Variants in SEMA6A observed in about 807,000 individuals in gnomAD.
SEMA6A encodes the protein semaphorin-6A.
SEMA6A carries 25 observed loss-of-function variants against 96.8 expected under a neutral mutation model. That is an observed-to-expected ratio of 0.26 (90% CI 0.19 to 0.36). The LOEUF (loss-of-function observed/expected upper bound fraction) is 0.36. Ranked by LOEUF, SEMA6A falls within the 10% of genes least tolerant of loss-of-function variation. The pLI is 1.00. For missense variants in SEMA6A, 1,363 were observed against 1,323.1 expected (o/e 1.03, Z -0.47); for synonymous variants, 612 against 518.0 (o/e 1.18, Z -2.46).
intron 2 of SEMA6A, among the ~76,000 whole-genome samples, chr5:116,502,945 C>T (rs1484118960): frequency 6.6e-6 from 1 of 152,216 alleles, no homozygotes; most frequent in Non-Finnish European, 1.5e-5. Flanking sequence ...GAGATGTGGG[C>T]TTTGACAGGA....
chr5:116,505,681 G>A (rs571269665), intron 1 of SEMA6A, among the ~76,000 whole-genome samples: 4 of 152,104 alleles, frequency 2.6e-5, no homozygotes, highest in African/African-American at 7.2e-5. Flanking sequence ...ATTCTGAAAC[G>A]GTATTGTTGA....
chr5:116,513,395 A>G (rs1758511187), intron 1 of SEMA6A, among the ~76,000 whole-genome samples: 1 of 152,148 alleles, frequency 6.6e-6, no homozygotes, highest in African/African-American at 2.4e-5. Context: ...CCAAAGTGCT[A>G]GGAGTACAGG....
In SEMA6A at chr5:116,533,502, A is replaced by G. The variant is rs149974585; in HGVS notation, c.-38-28520T>C. On this transcript the variant is annotated intron_variant, in intron 1 of 18. Transcript: ENST00000343348. ...TGATTTCCTGGTTAAACTAAAAGTT[A>G]TTTAGAAAGCCCTTTTTATTGAAAA... Among the ~76,000 whole-genome samples the G allele has an allele frequency of 4.6e-3, 706 of 152,300 alleles. 5 individuals are homozygous for G. The highest frequency in any genetic ancestry group is 0.016 in the African/African-American group (665 of 41,570).
At chr5:116,463,269 T>C (rs1448005178) in intron 18 of SEMA6A, among the ~76,000 whole-genome samples, 2 of 152,176 alleles carry the variant, frequency 1.3e-5, no homozygotes, top group Admixed American at 6.5e-5. Flanking sequence ...CATGACTCAA[T>C]ACTCTTGAAG....
At chr5:116,552,194 C>A (rs1760444079) in intron 1 of SEMA6A, among the ~76,000 whole-genome samples, 4 of 152,166 alleles carry the variant, frequency 2.6e-5, no homozygotes, top group Non-Finnish European at 4.4e-5. Context: ...CTATTTACGG[C>A]CTAACGCTTC....
intron 1 of SEMA6A, among the ~76,000 whole-genome samples, chr5:116,532,844 T>A (rs552998749): frequency 6.6e-6 from 1 of 152,360 alleles, no homozygotes; most frequent in Non-Finnish European, 1.5e-5. Context: ...CTGGATGTGG[T>A]TGCTCTGAAA....
At chr5:116,543,110 C>G (rs1003585131) in intron 1 of SEMA6A, among the ~76,000 whole-genome samples, 1 of 152,148 alleles carries the variant, frequency 6.6e-6, no homozygotes, top group African/African-American at 2.4e-5. Flanking sequence ...TTTTATCTTT[C>G]AACTACTATG....
chr5:116,473,270 C>T (rs1245160319), intron 16 of SEMA6A, among the ~76,000 whole-genome samples, 177 bp from the exon 17 acceptor site: 2 of 152,226 alleles, frequency 1.3e-5, no homozygotes, highest in African/African-American at 4.8e-5. Context: ...TCCGATTTCT[C>T]ACCTCCATAT....
At chr5:116,480,519 T>C (rs555816191) in intron 11 of SEMA6A, among the ~76,000 whole-genome samples, 1 of 152,278 alleles carries the variant, frequency 6.6e-6, no homozygotes, top group East Asian at 1.9e-4. Flanking sequence ...GCAGGCTGGC[T>C]TCCTCCCAGA....
intron 1 of SEMA6A, among the ~76,000 whole-genome samples, chr5:116,522,146 A>G (rs1758982781): frequency 6.6e-6 from 1 of 152,216 alleles, no homozygotes; most frequent in Non-Finnish European, 1.5e-5. Flanking sequence ...AACTAGTAAC[A>G]GTGTCTCTGA....
chr5:116,448,766 A>AAC (rs1312645299), intron 18 of SEMA6A, among the ~76,000 whole-genome samples: 1 of 151,600 alleles, frequency 6.6e-6, no homozygotes. Flanking sequence ...AAAAAAAAAA[A>AAC]AAAAAAAAAA....
intron 17 of SEMA6A, chr5:116,468,426 G>A (rs536947641): frequency 1.3e-5 from 2 of 152,244 alleles, no homozygotes; most frequent in South Asian, 2.1e-4. Context: ...ACGCTATTAC[G>A]GCTGTCCCTT....
At chr5:116,539,402 T>A (rs1174444547) in intron 1 of SEMA6A, among the ~76,000 whole-genome samples, 5 of 152,220 alleles carry the variant, frequency 3.3e-5, no homozygotes, top group Admixed American at 6.5e-5. Context: ...TTTCCTTGTT[T>A]TGCAATCTGA....
At chr5:116,458,283 A>G (rs28565295) in intron 18 of SEMA6A, among the ~76,000 whole-genome samples, 6,909 of 152,032 alleles carry the variant, frequency 0.045, 181 homozygotes, top group South Asian at 0.073. Flanking sequence ...ATTTTTAACC[A>G]CTCCAGATGT....
chr5:116,532,238 G>C (rs780607890), intron 1 of SEMA6A, among the ~76,000 whole-genome samples: 4 of 152,058 alleles, frequency 2.6e-5, no homozygotes, highest in Non-Finnish European at 5.9e-5. Flanking sequence ...AGACACTGCT[G>C]TATTTTGGAT....
rs781678966 is a variant in SEMA6A at position 116,514,862 on chromosome 5, C to G, written c.-38-9880G>C. Among the ~76,000 whole-genome samples, 111 of 152,340 alleles carry G rather than the reference C, an allele frequency of 7.3e-4. 1 individual carries two copies. The highest frequency in any genetic ancestry group is 9.3e-4 in the Non-Finnish European group (63 of 68,030). On this transcript the variant is annotated intron_variant, in intron 1 of 18. Transcript: ENST00000343348. ...AACAGCCCCTCCCCTTGCATCACCC[C>G]CAGGACCTCACTATTCAGTGGATGG...
chr5:116,509,220 A>G (rs994537286), intron 1 of SEMA6A, among the ~76,000 whole-genome samples: 6 of 152,228 alleles, frequency 3.9e-5, no homozygotes, highest in African/African-American at 1.2e-4. Flanking sequence ...GTGACGTGAA[A>G]AATAATATAT....
chr5:116,537,797 T>A (rs1211055419), intron 1 of SEMA6A, among the ~76,000 whole-genome samples: 1 of 151,952 alleles, frequency 6.6e-6, no homozygotes, highest in African/African-American at 2.4e-5. Flanking sequence ...CATATAAGTA[T>A]GCAAGTAAGC....
intron 1 of SEMA6A, among the ~76,000 whole-genome samples, chr5:116,561,660 C>G (rs1162861920): frequency 1.3e-5 from 2 of 152,204 alleles, no homozygotes; most frequent in African/African-American, 2.4e-5. Context: ...TCTTGCACAC[C>G]TGGCATGTTG....
Sources: gnomAD v4.1 joint callset for allele counts (sites outside exome capture counted in the v4.1 genomes callset) on GRCh38, gnomAD v4.1.1 for gene constraint, MANE v1.5 for transcripts, NCBI Gene and HGNC (gene_info 2026-07-23, HGNC 2026-07-21) for gene names.